Variants in RFX3 observed in about 807,000 individuals in gnomAD.
The protein encoded by RFX3 is regulatory factor X3.
In RFX3, 14 loss-of-function variants were observed where a neutral mutation model predicts 98.6. The observed-to-expected ratio is 0.14, with a 90% CI of 0.09 to 0.22. The LOEUF (loss-of-function observed/expected upper bound fraction) is 0.22, where lower values mean the gene tolerates loss of function less well. RFX3 is among the 10% of genes least tolerant of loss of function. The pLI, the probability that RFX3 is intolerant of heterozygous loss-of-function variation, is 1.00. For missense variants in RFX3, 639 were observed against 926.9 expected, an observed-to-expected ratio of 0.69 and a Z score of 4.03; for synonymous variants, 383 against 328.4, an observed-to-expected ratio of 1.17 and a Z score of -1.80.
intron 1 of RFX3, among the ~76,000 whole-genome samples, chr9:3,456,189 C>T (rs1847136746): frequency 6.6e-6 from 1 of 152,200 alleles, no homozygotes; most frequent in Non-Finnish European, 1.5e-5. Context: ...ATCACATTGG[C>T]CCTTAAGTTT....
chr9:3,318,053 C>T (rs1354269701), intron 4 of RFX3, among the ~76,000 whole-genome samples: 2 of 152,210 alleles, frequency 1.3e-5, no homozygotes, highest in East Asian at 1.9e-4. Context: ...AATCATGCTG[C>T]TATAAAGACA....
intron 1 of RFX3, among the ~76,000 whole-genome samples, chr9:3,459,453 G>C (rs1232693245): frequency 6.6e-6 from 1 of 152,008 alleles, no homozygotes; most frequent in East Asian, 1.9e-4. Flanking sequence ...TGAGAATAAA[G>C]GACTGGAAAA....
chr9:3,395,967 T>C (rs1840817757), intron 1 of RFX3, among the ~76,000 whole-genome samples: 1 of 152,160 alleles, frequency 6.6e-6, no homozygotes, highest in African/African-American at 2.4e-5. Context: ...TGGATGTAAG[T>C]GTCATGAATT....
chr9:3,361,394 C>T (rs762013541), intron 2 of RFX3, among the ~76,000 whole-genome samples: 1 of 151,842 alleles, frequency 6.6e-6, no homozygotes, highest in Non-Finnish European at 1.5e-5. Flanking sequence ...TACGGATATG[C>T]TAGAAGGGAA....
intron 1 of RFX3, among the ~76,000 whole-genome samples, chr9:3,407,598 T>C (rs940297139): frequency 2.0e-5 from 3 of 152,160 alleles, no homozygotes; most frequent in African/African-American, 7.2e-5. Flanking sequence ...AGTATTAGGC[T>C]AATAATATGA....
intron 1 of RFX3, among the ~76,000 whole-genome samples, chr9:3,459,589 T>C (rs905420213): frequency 2.0e-5 from 3 of 152,122 alleles, no homozygotes; most frequent in East Asian, 1.9e-4. Context: ...AGTGAAAGTA[T>C]ACATAATACA....
chr9:3,394,709 C>A, intron 2 of RFX3: 1 of 503,134 alleles, frequency 2.0e-6, no homozygotes, highest in Non-Finnish European at 2.6e-6. Flanking sequence ...CTCTTTAATA[C>A]TAAGAAATTA....
At chr9:3,458,497 T>C (rs1365991450) in intron 1 of RFX3, among the ~76,000 whole-genome samples, 8 of 152,218 alleles carry the variant, frequency 5.3e-5, no homozygotes, top group Non-Finnish European at 1.2e-4. Flanking sequence ...CATCAGAATT[T>C]ACCTATGGAG....
At chr9:3,399,893 G>A (rs542977289) in intron 1 of RFX3, among the ~76,000 whole-genome samples, 2 of 150,708 alleles carry the variant, frequency 1.3e-5, no homozygotes, top group African/African-American at 4.9e-5. Context: ...AGGTTGCGGT[G>A]AGCCAAGATC....
chr9:3,269,571 C>T (rs1586816532), intron 11 of RFX3, among the ~76,000 whole-genome samples: 1 of 152,084 alleles, frequency 6.6e-6, no homozygotes, highest in Non-Finnish European at 1.5e-5. Flanking sequence ...TTTCAGCTGC[C>T]TCTAACAGTA....
chr9:3,323,189 G>A (rs1374173231), intron 4 of RFX3, among the ~76,000 whole-genome samples: 2 of 152,284 alleles, frequency 1.3e-5, no homozygotes, highest in South Asian at 2.1e-4. Flanking sequence ...CATGCTTTGG[G>A]GGATGAACTA....
chr9:3,314,411 C>G (rs973254394), intron 4 of RFX3, among the ~76,000 whole-genome samples: 1 of 152,166 alleles, frequency 6.6e-6, no homozygotes, highest in African/African-American at 2.4e-5. Context: ...CCAGCCACTG[C>G]AAAAACATGC....
chr9:3,514,253 G>C (rs1406091374), intron 1 of RFX3, among the ~76,000 whole-genome samples: 1 of 152,124 alleles, frequency 6.6e-6, no homozygotes, highest in Non-Finnish European at 1.5e-5. Context: ...GATCCTCCAA[G>C]AGATGGATAA....
chr9:3,292,704 C>G (rs959113569), intron 6 of RFX3, among the ~76,000 whole-genome samples: 1 of 151,280 alleles, frequency 6.6e-6, no homozygotes, highest in Non-Finnish European at 1.5e-5. Context: ...AACTCATCAT[C>G]ATTAGTATGA....
At chr9:3,450,359 C>G (rs114614089) in intron 1 of RFX3, among the ~76,000 whole-genome samples, 2,585 of 152,158 alleles carry the variant, frequency 0.017, 79 homozygotes, top group African/African-American at 0.059. Flanking sequence ...TTTTAACTAT[C>G]CTCAGAGGTC....
At chr9:3,455,442 C>G (rs1397275041) in intron 1 of RFX3, among the ~76,000 whole-genome samples, 1 of 152,164 alleles carries the variant, frequency 6.6e-6, no homozygotes, top group Non-Finnish European at 1.5e-5. Flanking sequence ...CTGTATACTT[C>G]TACTTCATTG....
rs1586624555 is a variant in RFX3 at position 3,220,860 on chromosome 9, G to T, written c.*4182C>A. 6.6e-6 allele frequency: 1 copy of T among 152,220 alleles called. No individual in the cohort carries two copies. The highest frequency in any genetic ancestry group is 1.9e-4 in the East Asian group (1 of 5,184). 9.4% of individuals were successfully genotyped at this position (152,220 alleles called of 1,614,324 possible). On this transcript the variant is annotated 3_prime_UTR_variant, in exon 17 of 17. Transcript: ENST00000617270. ...GTTTTTAAAAATCACCAAACTTGCAGAAATACTAGGATTCCATTAATTGAT... is the reference window on the plus strand; with the variant it reads ...GTTTTTAAAAATCACCAAACTTGCATAAATACTAGGATTCCATTAATTGAT...
At chr9:3,405,812 G>A (rs1841909474) in intron 1 of RFX3, among the ~76,000 whole-genome samples, 1 of 152,082 alleles carries the variant, frequency 6.6e-6, no homozygotes, top group African/African-American at 2.4e-5. Flanking sequence ...GTGCCCTCAG[G>A]ATAAACTGCA....
chr9:3,492,087 G>A (rs1850764276), intron 1 of RFX3, among the ~76,000 whole-genome samples: 1 of 151,984 alleles, frequency 6.6e-6, no homozygotes, highest in Non-Finnish European at 1.5e-5. Context: ...AAAATTTATT[G>A]AATCAGTACT....
Sources: gnomAD v4.1 joint callset for allele counts (sites outside exome capture counted in the v4.1 genomes callset) on GRCh38, gnomAD v4.1.1 for gene constraint, MANE v1.5 for transcripts, NCBI Gene and HGNC (gene_info 2026-07-23, HGNC 2026-07-21) for gene names.